The following RDH13 variants were observed in gnomAD, a reference collection of about 807,000 sequenced individuals.
The protein encoded by RDH13 is retinol dehydrogenase 13.
RDH13 carries 35 observed loss-of-function variants against 28.3 expected under a neutral mutation model. The observed-to-expected ratio is 1.24, with a 90% CI of 0.95 to 1.64. The LOEUF is 1.64. RDH13 is among the 40% of genes most tolerant of loss of function. The pLI is 0.00. For synonymous variants in RDH13, 229 were observed against 198.5 expected (o/e 1.15, Z -1.29); for missense variants, 514 against 446.3 (o/e 1.15, Z -1.37).
At chr19:55,065,114 G>A (rs966752115), upstream of RDH13, among the ~76,000 whole-genome samples, 1 of 151,256 alleles carries the variant, frequency 6.6e-6, no homozygotes, top group African/African-American at 2.4e-5. Context: ...GACTGGGCAT[G>A]GTGGCTCATG....
intron 3 of RDH13, chr19:55,050,953 C>G (rs2075409560): frequency 6.7e-6 from 1 of 149,456 alleles, no homozygotes; most frequent in Non-Finnish European, 1.5e-5. Context: ...CCCCGACCAG[C>G]TGCATGATCC....
At chr19:55,050,120 T>C (rs371620256) in intron 3 of RDH13, among the ~76,000 whole-genome samples, 2 of 105,838 alleles carry the variant, frequency 1.9e-5, no homozygotes, top group South Asian at 3.3e-4. Context: ...CTATTTTTTT[T>C]TTTTTGGGGG....
At chr19:55,059,310 G>A (rs1450821497) in intron 1 of RDH13, 35 bp from the exon 2 acceptor site, 1 of 1,421,012 alleles carries the variant, frequency 7.0e-7, no homozygotes, top group South Asian at 1.2e-5. Context: ...AGTCCTGTGG[G>A]CCCACTCTCA....
intron 3 of RDH13, among the ~76,000 whole-genome samples, chr19:55,049,144 A>T (rs1182439720): frequency 2.0e-5 from 3 of 152,132 alleles, no homozygotes; most frequent in Admixed American, 6.5e-5. Context: ...CGGCTTCCGG[A>T]ACCGTGAGGG....
chr19:55,047,484 A>G lies in RDH13; in HGVS notation c.663T>C (p.Ser221=), dbSNP rs370583624. ...TKELSRRLQG[S]GVTVNALHPG... ...GGTGCAGGGCGTTGACAGTCACACC[A>G]GAGCCTGGGGAAGAAAGAAAGAGAA... The change falls in exon 6 of 7, where the codon TCT becomes TCC. Residue 221 remains serine, a synonymous_variant. Transcript: ENST00000415061. 104 of 1,606,118 alleles carry G rather than the reference A, an allele frequency of 6.5e-5. 1 individual carries two copies. In the African/African-American group the frequency reaches 1.2e-3, roughly 19 times the overall value.
chr19:55,063,389 C>T, upstream of RDH13: 1 of 285,614 alleles, frequency 3.5e-6, no homozygotes, highest in Non-Finnish European at 6.5e-6. Context: ...GAAATAGGTT[C>T]GAATCCCACC....
chr19:55,050,125 T>A (rs75389066), intron 3 of RDH13, among the ~76,000 whole-genome samples: 1 of 47,310 alleles, frequency 2.1e-5, no homozygotes, highest in Admixed American at 2.5e-4. Flanking sequence ...TTTTTTTTTT[T>A]GGGGGGGGGA....
intron 3 of RDH13, among the ~76,000 whole-genome samples, chr19:55,054,729 C>T (rs188504565): frequency 5.9e-5 from 7 of 119,570 alleles, no homozygotes; most frequent in South Asian, 5.8e-4. Context: ...CCAGGATGCC[C>T]GGCTAATTTT....
rs944279616 is a variant in RDH13, at chr19:55,045,292, G to C, written c.778C>G (p.Leu260Val). The stretch of plus-strand genomic sequence containing the variant: ...GCGGCCAGCTCGGGGCTCTTGACCA[G>C]CAGCCAGAAGATGGGCCCTGCAATC... ...STTLGPIFWL[L>V]VKSPELAAQP... Residue 260 changes from leucine to valine, a missense_variant, in exon 7 of 7, where the codon CTG becomes GTG. Physicochemically the swap from Leu to Val is conservative, Grantham distance 32. Coordinates refer to ENST00000415061, the MANE Select transcript of RDH13 (RefSeq NM_001145971.2). 20 of 1,612,280 alleles carry C rather than the reference G, an allele frequency of 1.2e-5. No individual in the cohort carries two copies. The highest frequency in any genetic ancestry group is 1.7e-5 in the Non-Finnish European group (20 of 1,179,748).
rs1602695770 is a variant in RDH13 at position 55,045,034 on chromosome 19, T to C, written c.*40A>G. 2 of 1,455,710 alleles carry C rather than the reference T, an allele frequency of 1.4e-6. No individual in the cohort carries two copies. Among genetic ancestry groups the C allele is most frequent in the Non-Finnish European group, 1.9e-6 (2 of 1,064,658 alleles). 90.2% of individuals were successfully genotyped at this position (1,455,710 alleles called of 1,614,324 possible). A position where few individuals can be genotyped will look rare whatever the true frequency, so the allele number is the denominator to read the frequency against. On this transcript the variant is annotated 3_prime_UTR_variant, in exon 7 of 7. Coordinates refer to ENST00000415061, the MANE Select transcript of RDH13 (RefSeq NM_001145971.2). ...GGGCATGGCGGACAGCTGTCCTCGG[T>C]CTGGAGGCGCCATCCTGGCTTTCAA...
chr19:55,047,677 C>T (rs1415086457), intron 5 of RDH13, among the ~76,000 whole-genome samples, 189 bp from the exon 6 acceptor site: 1 of 152,184 alleles, frequency 6.6e-6, no homozygotes, highest in South Asian at 2.1e-4. Context: ...CACATGGCTG[C>T]TGGGAGCCGA....
intron 4 of RDH13, 46 bp from the exon 5 acceptor site, chr19:55,048,587 A>C (rs1194584741): frequency 6.2e-7 from 1 of 1,610,654 alleles, no homozygotes; most frequent in Non-Finnish European, 8.5e-7. Context: ...CACACCTAAA[A>C]TCCCAGCACT....
chr19:55,050,122 T>G (rs2075380940), intron 3 of RDH13, among the ~76,000 whole-genome samples: 1 of 105,706 alleles, frequency 9.5e-6, no homozygotes, highest in African/African-American at 3.2e-5. Flanking sequence ...ATTTTTTTTT[T>G]TTTGGGGGGG....
At chr19:55,040,199 C>A (rs1671211), downstream of RDH13, 71,309 of 152,306 alleles carry the variant, frequency 0.47, 17,121 homozygotes, top group East Asian at 0.58. Context: ...CACTCTGTCG[C>A]CGAGGCTGGA....
chr19:55,059,011 C>T, intron 2 of RDH13, 146 bp downstream of exon 2: 1 of 635,154 alleles, frequency 1.6e-6, no homozygotes, highest in Non-Finnish European at 2.8e-6. Flanking sequence ...GAATCATATG[C>T]CCCTGTCTAT....
At position 55,054,730 on chromosome 19, in the gene RDH13, G is replaced by A. The variant is rs567267856; in HGVS notation, c.340+1923C>T. Among the ~76,000 whole-genome samples the A allele has an allele frequency of 2.8e-3, 306 of 108,940 alleles. 1 individual carries two copies. Among genetic ancestry groups the A allele is most frequent in the Middle Eastern group, 0.027 (5 of 184 alleles). 71.5% of individuals were successfully genotyped at this position (108,940 alleles called of 152,430 possible). ...ACTGTAGGCACATGCCAGGATGCCC[G>A]GCTAATTTTTTTTTTTTTTTAATCT... On this transcript the variant is annotated intron_variant, in intron 3 of 6. Coordinates refer to ENST00000415061, the MANE Select transcript of RDH13 (RefSeq NM_001145971.2).
At chr19:55,043,363 G>C (rs1253505315), downstream of RDH13, 1 of 152,146 alleles carries the variant, frequency 6.6e-6, no homozygotes, top group Non-Finnish European at 1.5e-5. Context: ...CTCCAGCCTT[G>C]GCAACACAGT....
At chr19:55,041,551 T>C (rs982376590), downstream of RDH13, 2 of 152,096 alleles carry the variant, frequency 1.3e-5, no homozygotes, top group African/African-American at 4.8e-5. Flanking sequence ...GTATTATTCT[T>C]AGGGCCTTCT....
upstream of RDH13, among the ~76,000 whole-genome samples, chr19:55,064,816 T>C (rs535379604): frequency 2.7e-5 from 4 of 150,238 alleles, no homozygotes; most frequent in South Asian, 2.1e-4. Flanking sequence ...TTTCACCATG[T>C]TGGCCAGGTT....
Sources: allele counts gnomAD v4.1 joint callset (sites outside exome capture counted in the v4.1 genomes callset), GRCh38; gene constraint gnomAD v4.1.1; transcripts MANE v1.5; gene names NCBI Gene and HGNC (gene_info 2026-07-23, HGNC 2026-07-21).